The following SDK2 variants were observed in gnomAD, a reference collection of about 807,000 sequenced individuals.
SDK2 encodes protein sidekick-2.
SDK2 carries 105 observed loss-of-function variants against 253.9 expected under a neutral mutation model. That is an observed-to-expected ratio of 0.41 (90% CI 0.35 to 0.49). SDK2 has a LOEUF of 0.49. SDK2 is among the 20% of genes least tolerant of loss of function. The pLI is 0.06. For synonymous variants in SDK2, 1,249 were observed against 1,234.9 expected (o/e 1.01, Z -0.24); for missense variants, 2,608 against 3,003.0 (o/e 0.87, Z 3.07).
rs2062364482 is a variant in SDK2 at position 73,334,596 on chromosome 17, A to T, written c.*3991T>A. ...CCCATAATTTTTTGTTATATCTTTT[A>T]AATCAAAAAATAAAGATTTGTGTTG... On this transcript the variant is annotated 3_prime_UTR_variant, in exon 45 of 45. Transcript: ENST00000392650. 2 of 152,216 alleles carry T rather than the reference A, an allele frequency of 1.3e-5. No homozygotes were observed. The highest frequency in any genetic ancestry group is 1.5e-5 in the Non-Finnish European group (1 of 68,042). 9.4% of individuals were successfully genotyped at this position (152,216 alleles called of 1,614,324 possible). A position where few individuals can be genotyped will look rare whatever the true frequency, so the allele number is the denominator to read the frequency against.
chr17:73,409,587 G>A (rs1232662938), intron 18 of SDK2, among the ~76,000 whole-genome samples: 4 of 151,712 alleles, frequency 2.6e-5, no homozygotes, highest in African/African-American at 9.7e-5. Context: ...CTGAGATTGC[G>A]CCATTGCATT....
At chr17:73,562,534 C>G (rs76017182) in intron 1 of SDK2, among the ~76,000 whole-genome samples, 9 of 152,124 alleles carry the variant, frequency 5.9e-5, no homozygotes, top group African/African-American at 2.2e-4. Context: ...TGAGGCCAGG[C>G]ACTTCTCAAA....
rs114977181 is a variant in SDK2 at position 73,487,230 on chromosome 17, A to G, written c.225-15012T>C. 4.8e-3 allele frequency among the ~76,000 whole-genome samples: 734 copies of G among 152,354 alleles called. 5 individuals carry two copies. Among genetic ancestry groups the G allele is most frequent in the African/African-American group, 0.017 (708 of 41,588 alleles). ...ATTACAAGTGTGAGCCACTGTGCCC[A>G]GCCAGTACCTTGACTTTGTACAGGT... is the stretch of plus-strand genomic sequence containing the variant. On this transcript the variant is annotated intron_variant, in intron 2 of 44. Coordinates refer to ENST00000392650, the MANE Select transcript of SDK2 (RefSeq NM_001144952.2).
intron 1 of SDK2, among the ~76,000 whole-genome samples, chr17:73,563,800 T>C (rs1250037252): frequency 2.0e-5 from 3 of 151,020 alleles, no homozygotes; most frequent in Admixed American, 6.6e-5. Flanking sequence ...TGAGACAGGG[T>C]CTCCCTCTGT....
At chr17:73,472,087 G>A (rs1369480856) in intron 3 of SDK2, 25 bp downstream of exon 3, 2 of 1,517,582 alleles carry the variant, frequency 1.3e-6, no homozygotes, top group East Asian at 2.5e-5. Context: ...CGCCCCCCCT[G>A]CCCCTGGGTC....
chr17:73,390,046 G>T (rs2062914021), intron 29 of SDK2, among the ~76,000 whole-genome samples: 1 of 152,240 alleles, frequency 6.6e-6, no homozygotes, highest in Non-Finnish European at 1.5e-5. Context: ...ACTAAGCCTG[G>T]CCACAAACTT....
chr17:73,373,395 G>A (rs2062752583), intron 36 of SDK2, among the ~76,000 whole-genome samples: 1 of 152,174 alleles, frequency 6.6e-6, no homozygotes, highest in African/African-American at 2.4e-5. Context: ...TGGGATTGCT[G>A]GATCATTGGA....
At chr17:73,375,534 A>G (rs2062770818) in intron 36 of SDK2, among the ~76,000 whole-genome samples, 1 of 151,296 alleles carries the variant, frequency 6.6e-6, no homozygotes, top group Non-Finnish European at 1.5e-5. Flanking sequence ...GTTGTGAGCC[A>G]CTGAGCCCAG....
In SDK2 at chr17:73,595,432, G is replaced by T. The variant is rs565761514; in HGVS notation, c.64+48593C>A. 2.1e-3 allele frequency among the ~76,000 whole-genome samples: 313 copies of T among 152,264 alleles called. 1 individual carries two copies. Among genetic ancestry groups the T allele is most frequent in the African/African-American group, 6.7e-3 (280 of 41,548 alleles). ...GTGTGTGCCAGGGCCTGGGAAGGAG[G>T]CCCTTGTGCTTCCAAGAGATCCCAC... On this transcript the variant is annotated intron_variant, in intron 1 of 44. Coordinates refer to ENST00000392650, the MANE Select transcript of SDK2 (RefSeq NM_001144952.2).
rs764118740 is a variant in SDK2, at chr17:73,338,958, C to T, written c.6166-18G>A. ...TCACTTCCCTGGGAGGACAGAGAAT[C>T]AGGGTGTGTCAGTGGCCCCGTAGGG... On this transcript the variant is annotated intron_variant, in intron 44 of 44. Coordinates refer to ENST00000392650, the MANE Select transcript of SDK2 (RefSeq NM_001144952.2). The surrounding 1 kb of genome is among the most constrained non-coding windows in gnomAD (Gnocchi z 5.0). The T allele has an allele frequency of 6.2e-7, 1 of 1,609,440 alleles. No homozygotes were observed. Among genetic ancestry groups the T allele is most frequent in the South Asian group, 1.1e-5 (1 of 90,936 alleles).
At chr17:73,462,137 TG>T (rs2145674983) in intron 3 of SDK2, among the ~76,000 whole-genome samples, 1 of 152,004 alleles carries the variant, frequency 6.6e-6, no homozygotes, top group African/African-American at 2.4e-5. Flanking sequence ...GCATGTTTGG[TG>T]GGATGTATAG....
At chr17:73,389,754 T>G (rs1415387630) in intron 29 of SDK2, among the ~76,000 whole-genome samples, 1 of 152,050 alleles carries the variant, frequency 6.6e-6, no homozygotes, top group Non-Finnish European at 1.5e-5. Context: ...CCTCCCTTAA[T>G]TAATTAATTA....
At chr17:73,505,522 G>GCTGGACCTCATCATCA (rs2063928061) in intron 2 of SDK2, among the ~76,000 whole-genome samples, 1 of 148,930 alleles carries the variant, frequency 6.7e-6, no homozygotes, top group African/African-American at 2.5e-5. Flanking sequence ...CCTCATCATC[G>GCTGGACCTCATCATCA]TCAATAGCTG....
rs934710334 is a variant in SDK2, at chr17:73,379,407, G to C, written c.4864+41C>G. On this transcript the variant is annotated intron_variant, in intron 35 of 44. Transcript: ENST00000392650. The surrounding 1 kb of genome is among the most constrained non-coding windows in gnomAD (Gnocchi z 4.5). ...CTTCCAGCTGAACTGGGTGGGGCTGGGAAAGGCATGCTGGGGCCGGACAGG... is the reference window on the plus strand; with the variant it reads ...CTTCCAGCTGAACTGGGTGGGGCTGCGAAAGGCATGCTGGGGCCGGACAGG... 3.9e-6 allele frequency: 6 copies of C among 1,547,444 alleles called. No individual in the cohort carries two copies. In the African/African-American group the frequency reaches 6.8e-5, roughly 17 times the overall value.
intron 3 of SDK2, among the ~76,000 whole-genome samples, chr17:73,457,260 TTCCTTCCTTCCTTCCTTCCTTCCTTCC>T (rs1599584418): frequency 5.1e-5 from 3 of 59,340 alleles, no homozygotes; most frequent in African/African-American, 2.7e-4. Context: ...CCTTCCTTCC[TTCCTTCCTTCCTTCCTTCCTTCCTTCC>T]CCCCTCCCTC....
At position 73,379,793 on chromosome 17, in the gene SDK2, T is replaced by C. The variant is rs2062815880; in HGVS notation, c.4763-244A>G. On this transcript the variant is annotated intron_variant, in intron 34 of 44. Transcript: ENST00000392650. This position sits in a 1 kb window ranked among gnomAD's most constrained non-coding sequence, Gnocchi z 4.5. The stretch of plus-strand genomic sequence containing the variant: ...CTAGGGTGGCCGTACATTTTATTGT[T>C]CAACTGGACACTTTTGAGACTGAAA... Among the ~76,000 whole-genome samples the C allele has an allele frequency of 7.9e-6, 1 of 126,970 alleles. No individual in the cohort carries two copies. The highest frequency in any genetic ancestry group is 3.0e-5 in the African/African-American group (1 of 33,112). 83.3% of individuals were successfully genotyped at this position (126,970 alleles called of 152,430 possible).
chr17:73,365,485 G>C, intron 37 of SDK2, 90 bp from the exon 38 acceptor site: 1 of 1,371,360 alleles, frequency 7.3e-7, no homozygotes, highest in Non-Finnish European at 9.7e-7. Context: ...GGGAGTATTG[G>C]GTCTGAGCCC....
rs1169789800 is a variant in SDK2 at position 73,496,528 on chromosome 17, T to C, written c.224+10910A>G. On this transcript the variant is annotated intron_variant, in intron 2 of 44. Transcript: ENST00000392650. This position sits in a 1 kb window ranked among gnomAD's most constrained non-coding sequence, Gnocchi z 4.7. ...CGTTCTGCCCATTAGCGAAGGGAGT[T>C]AGTGAGAGAGGAGGCTGGACAGATG... is the stretch of plus-strand genomic sequence containing the variant. 1.3e-5 allele frequency among the ~76,000 whole-genome samples: 2 copies of C among 151,940 alleles called. No homozygotes were observed. Among genetic ancestry groups the C allele is most frequent in the Non-Finnish European group, 2.9e-5 (2 of 67,982 alleles).
At chr17:73,372,468 CA>C (rs965795630) in intron 36 of SDK2, among the ~76,000 whole-genome samples, 2 of 152,222 alleles carry the variant, frequency 1.3e-5, no homozygotes, top group African/African-American at 4.8e-5. Flanking sequence ...CTTATGTGGA[CA>C]GGGGCAAGCA....
Sources: gnomAD v4.1 joint callset for allele counts (sites outside exome capture counted in the v4.1 genomes callset) on GRCh38, gnomAD v4.1.1 for gene constraint, Gnocchi (gnomAD v3.1) non-coding constraint, MANE v1.5 for transcripts, NCBI Gene and HGNC (gene_info 2026-07-23, HGNC 2026-07-21) for gene names.